The following SH3TC1 variants were observed in gnomAD, a reference collection of about 807,000 sequenced individuals.
SH3TC1 encodes SH3 domain and tetratricopeptide repeats 1.
SH3TC1 carries 135 observed loss-of-function variants against 117.3 expected under a neutral mutation model. The ratio of observed to expected loss-of-function variants is 1.15; its 90% CI spans 1.00 to 1.33. SH3TC1 has a LOEUF of 1.33. SH3TC1 is among the 40% of genes most tolerant of loss of function. The pLI, the probability that SH3TC1 is intolerant of heterozygous loss-of-function variation, is 0.00. For synonymous variants in SH3TC1, 898 were observed against 816.9 expected, an observed-to-expected ratio of 1.10 and a Z score of -1.69; for missense variants, 2,092 against 1,794.3, an observed-to-expected ratio of 1.17 and a Z score of -3.00.
Position 8,228,150 on chromosome 4 carries a change from C to T in SH3TC1, c.2456C>T (p.Ala819Val), listed in dbSNP as rs1185986993. ...MTQAVEASAI[A>V]GVRAIVDHLV... ...CAGGCAGTGGAAGCCAGTGCTATTG[C>T]CGGAGTCCGTGCCATCGTGGACCAC... Residue 819 changes from alanine to valine, a missense_variant, in exon 12 of 18, where the codon GCC becomes GTC. Transcript: ENST00000245105. 1.6e-5 allele frequency: 26 copies of T among 1,612,074 alleles called. No individual in the cohort carries two copies. The highest frequency in any genetic ancestry group is 2.1e-5 in the Non-Finnish European group (25 of 1,179,392).
intron 1 of SH3TC1, among the ~76,000 whole-genome samples, chr4:8,182,656 C>T (rs1353597871): frequency 6.6e-6 from 1 of 152,162 alleles, no homozygotes. Flanking sequence ...TAAGATGAGG[C>T]ATTGGTGTTG....
chr4:8,182,496 A>C (rs1408603109), intron 1 of SH3TC1, among the ~76,000 whole-genome samples: 1 of 152,114 alleles, frequency 6.6e-6, no homozygotes, highest in Non-Finnish European at 1.5e-5. Context: ...TGGCAGGATG[A>C]GGTGGGAGTG....
At chr4:8,237,886 G>C (rs1434137382) in intron 17 of SH3TC1, among the ~76,000 whole-genome samples, 1 of 152,164 alleles carries the variant, frequency 6.6e-6, no homozygotes, top group Non-Finnish European at 1.5e-5. Flanking sequence ...CTCAGCCAGG[G>C]AGGCTGATAC....
intron 5 of SH3TC1, 24 bp downstream of exon 5, chr4:8,214,604 T>G: frequency 6.2e-7 from 1 of 1,600,144 alleles, no homozygotes; most frequent in Non-Finnish European, 8.6e-7. Flanking sequence ...CCTCCCAGAA[T>G]TGGTCATGGG....
At chr4:8,203,455 G>T (rs1717970558) in intron 1 of SH3TC1, among the ~76,000 whole-genome samples, 1 of 152,078 alleles carries the variant, frequency 6.6e-6, no homozygotes, top group African/African-American at 2.4e-5. Context: ...CTGTCCTGAG[G>T]TCAGTCTTGA....
Position 8,214,577 on chromosome 4 carries a change from C to G in SH3TC1, c.478C>G (p.Leu160Val). 1 of 1,613,674 alleles carries G rather than the reference C, an allele frequency of 6.2e-7. No individual in the cohort carries two copies. Among genetic ancestry groups the G allele is most frequent in the Non-Finnish European group, 8.5e-7 (1 of 1,179,786 alleles). Reference protein sequence around the residue: ...EIWKFSTYHALGFTHHCLANL... With the variant: ...EIWKFSTYHAVGFTHHCLANL... Reference sequence around the variant, plus strand: ...CTGGAAGTTTTCCACCTACCATGCTCTCGGTAAAGAGGTGACCCTCCCAGA... The same window carrying G: ...CTGGAAGTTTTCCACCTACCATGCTGTCGGTAAAGAGGTGACCCTCCCAGA... Residue 160 changes from leucine (L) to valine (V), a missense_variant, in exon 5 of 18, where the codon CTC becomes GTC. By Grantham distance (32) the Leu-to-Val change is conservative (BLOSUM62 1). Coordinates refer to ENST00000245105, the MANE Select transcript of SH3TC1 (RefSeq NM_018986.5).
upstream of SH3TC1, among the ~76,000 whole-genome samples, chr4:8,197,939 CT>C (rs1561675019): frequency 1.3e-5 from 2 of 152,104 alleles, no homozygotes. Flanking sequence ...GGGCTTTGAC[CT>C]GAGTAGCTCA....
chr4:8,238,540 T>C (rs756220123), intron 17 of SH3TC1, among the ~76,000 whole-genome samples: 7 of 151,994 alleles, frequency 4.6e-5, no homozygotes, highest in Admixed American at 6.5e-5. Flanking sequence ...TAGAACAACA[T>C]GAGGAGCTGC....
rs781490278 is a variant in SH3TC1 at position 8,205,509 on chromosome 4, G to A, written c.172+143G>A. Reference sequence around the variant, plus strand: ...TGGAGTCTGCTCTCCATCACTTCTCGTTTCCTTCCCCCGCGTGTGTTTAAC... The same window carrying A: ...TGGAGTCTGCTCTCCATCACTTCTCATTTCCTTCCCCCGCGTGTGTTTAAC... On this transcript the variant is annotated intron_variant, in intron 2 of 17. Coordinates refer to ENST00000245105, the MANE Select transcript of SH3TC1 (RefSeq NM_018986.5). This position sits in a 1 kb window ranked among gnomAD's most constrained non-coding sequence, Gnocchi z 5.4. 3.6e-5 allele frequency: 41 copies of A among 1,148,362 alleles called. No individual in the cohort carries two copies. The highest frequency in any genetic ancestry group is 1.5e-4 in the Admixed American group (9 of 59,254). The allele number at this position is 1,148,362 out of a possible 1,614,324, so 71.1% of individuals were successfully genotyped here.
Position 8,205,194 on chromosome 4 carries a change from C to A in SH3TC1, c.-1C>A. The A allele has an allele frequency of 6.6e-7, 1 of 1,525,028 alleles. No individual in the cohort carries two copies. Among genetic ancestry groups the A allele is most frequent in the South Asian group, 1.3e-5 (1 of 79,910 alleles). 94.5% of individuals were successfully genotyped at this position (1,525,028 alleles called of 1,614,324 possible). On this transcript the variant is annotated 5_prime_UTR_variant, in exon 2 of 18. Transcript: ENST00000245105. This position sits in a 1 kb window ranked among gnomAD's most constrained non-coding sequence, Gnocchi z 5.4. ...CCAGGCATGTGAGGTCTCTGCGGGT[C>A]ATGGAGAACCTCCCTGCCGTGACCA...
At chr4:8,233,102 C>T (rs1424155242) in intron 13 of SH3TC1, 109 of 1,313,794 alleles carry the variant, frequency 8.3e-5, no homozygotes, top group South Asian at 3.1e-4. Context: ...GTCTGGGACG[C>T]GGGGGAGATG....
chr4:8,184,279 C>T (rs1000762467), intron 1 of SH3TC1, among the ~76,000 whole-genome samples: 1 of 152,252 alleles, frequency 6.6e-6, no homozygotes, highest in Non-Finnish European at 1.5e-5. Flanking sequence ...CATTGAGACA[C>T]CTGGCTTTCA....
rs149529536 is a variant in SH3TC1, at chr4:8,236,307, G to C, written c.3435G>C (p.Thr1145=). ...RDRALPLAVT[T]GNRKAELRLC... ...GGGCCCTGCCCCTGGCAGTGACTAC[G>C]GGCAACCGCAAGGCGGAGCTGCGGC... The change falls in exon 16 of 18, where the codon ACG becomes ACC. Residue 1145 remains threonine, a synonymous_variant. Transcript: ENST00000245105. 2.6e-6 allele frequency: 4 copies of C among 1,556,140 alleles called. No individual in the cohort carries two copies. The highest frequency in any genetic ancestry group is 3.5e-6 in the Non-Finnish European group (4 of 1,150,670).
At chr4:8,223,227 C>G (rs1300276436) in intron 10 of SH3TC1, among the ~76,000 whole-genome samples, 1 of 152,270 alleles carries the variant, frequency 6.6e-6, no homozygotes, top group Non-Finnish European at 1.5e-5. Context: ...CCTGCCCTGA[C>G]CCCAGGCACC....
intron 11 of SH3TC1, among the ~76,000 whole-genome samples, chr4:8,226,680 C>T (rs2152991008): frequency 6.6e-6 from 1 of 152,342 alleles, no homozygotes; most frequent in African/African-American, 2.4e-5. Context: ...GACACATAGT[C>T]TCCTAAAACC....
intron 17 of SH3TC1, among the ~76,000 whole-genome samples, chr4:8,239,378 C>A (rs1245079202): frequency 2.0e-5 from 3 of 149,050 alleles, no homozygotes; most frequent in South Asian, 2.1e-4. Flanking sequence ...CACGCACACA[C>A]AGGCACAGGC....
intron 5 of SH3TC1, chr4:8,215,104 G>A: frequency 1.6e-5 from 7 of 451,564 alleles, no homozygotes; most frequent in South Asian, 9.3e-5. Flanking sequence ...GGTCTTTGTT[G>A]CAGGAATGAT....
intron 12 of SH3TC1, 165 bp from the exon 13 acceptor site, chr4:8,231,811 G>A (rs2152994727): frequency 4.1e-6 from 3 of 734,288 alleles, no homozygotes; most frequent in South Asian, 1.8e-5. Context: ...ATGGGCATCT[G>A]CACCAAGCTG....
rs755211616 is a variant in SH3TC1 at position 8,233,362 on chromosome 4, G to A, written c.3132-1G>A. 1.2e-6 allele frequency: 2 copies of A among 1,604,398 alleles called. No homozygotes were observed. Among genetic ancestry groups the A allele is most frequent in the Admixed American group, 3.4e-5 (2 of 58,654 alleles). On this transcript the variant is annotated splice_acceptor_variant, in intron 13 of 17. Transcript: ENST00000245105. LOFTEE classifies it high-confidence loss of function. ...GTTCTGACACCTGTGTCTGATACCA[G>A]GGCCTACAAATCCGCACTGGACTAC... is the stretch of plus-strand genomic sequence containing the variant.
Sources: gnomAD v4.1 joint callset for allele counts (sites outside exome capture counted in the v4.1 genomes callset) on GRCh38, gnomAD v4.1.1 for gene constraint, Gnocchi (gnomAD v3.1) non-coding constraint, MANE v1.5 for transcripts, NCBI Gene and HGNC (gene_info 2026-07-23, HGNC 2026-07-21) for gene names.